Variants in FGGY observed in about 807,000 individuals in gnomAD.
FGGY encodes FGGY carbohydrate kinase domain-containing protein.
In FGGY, 72 loss-of-function variants were observed where a neutral mutation model predicts 71.3. The ratio of observed to expected loss-of-function variants is 1.01; its 90% CI spans 0.84 to 1.23. The LOEUF is 1.23. FGGY is among the 50% of genes most tolerant of loss of function. The probability of loss-of-function intolerance (pLI) is 0.00; values close to 1 mark genes in which losing one functional copy is unlikely to be tolerated. For missense variants in FGGY, 668 were observed against 682.3 expected (o/e 0.98, Z 0.23); for synonymous variants, 251 against 250.3 (o/e 1.00, Z -0.02).
At chr1:59,694,629 A>G (rs928615009) in intron 14 of FGGY, among the ~76,000 whole-genome samples, 1 of 152,100 alleles carries the variant, frequency 6.6e-6, no homozygotes, top group Non-Finnish European at 1.5e-5. Context: ...CGATATATTA[A>G]AAAGTATTTC....
intron 8 of FGGY, among the ~76,000 whole-genome samples, chr1:59,596,887 C>G (rs1187180887): frequency 6.6e-6 from 1 of 152,210 alleles, no homozygotes; most frequent in African/African-American, 2.4e-5. Flanking sequence ...CTTCTGCTGA[C>G]TTCCTCCCAT....
rs564299709 is a variant in FGGY at position 59,702,370 on chromosome 1, T to C, written c.1512+28237T>C. On this transcript the variant is annotated intron_variant, in intron 14 of 15. Transcript: ENST00000303721. ...AGACTCATATGGAGACCTATATCTTTATCAAAAATGTGCTTGTCAAGTAGA... is the reference window on the plus strand; with the variant it reads ...AGACTCATATGGAGACCTATATCTTCATCAAAAATGTGCTTGTCAAGTAGA... Among the ~76,000 whole-genome samples, 104 of 152,298 alleles carry C rather than the reference T, an allele frequency of 6.8e-4. 1 individual carries two copies. The highest frequency in any genetic ancestry group is 2.4e-3 in the African/African-American group (101 of 41,576).
At chr1:59,356,750 G>A (rs1391926232) in intron 4 of FGGY, among the ~76,000 whole-genome samples, 1 of 152,072 alleles carries the variant, frequency 6.6e-6, no homozygotes, top group Non-Finnish European at 1.5e-5. Flanking sequence ...TCCTCATTGT[G>A]GAAAATGAGA....
At chr1:59,421,585 C>G (rs374239259) in intron 5 of FGGY, among the ~76,000 whole-genome samples, 1 of 151,580 alleles carries the variant, frequency 6.6e-6, no homozygotes, top group African/African-American at 2.4e-5. Context: ...CCTTTCTCCC[C>G]CACTGCCCCA....
At chr1:59,532,078 TG>T (rs1280828556) in intron 7 of FGGY, among the ~76,000 whole-genome samples, 1 of 152,216 alleles carries the variant, frequency 6.6e-6, no homozygotes, top group Non-Finnish European at 1.5e-5. Context: ...TGGTGGTATT[TG>T]ACATGAACTC....
intron 14 of FGGY, among the ~76,000 whole-genome samples, chr1:59,687,879 A>G (rs569363687): frequency 6.6e-6 from 1 of 152,262 alleles, no homozygotes; most frequent in South Asian, 2.1e-4. Context: ...TCTGACTGAT[A>G]TCATTGCTTT....
intron 8 of FGGY, 69 bp downstream of exon 8, chr1:59,554,296 G>T (rs2095651917): frequency 2.7e-5 from 33 of 1,229,562 alleles, no homozygotes; most frequent in Non-Finnish European, 3.6e-5. Flanking sequence ...GACCCTGAGT[G>T]CTGGCTTCTT....
intron 5 of FGGY, among the ~76,000 whole-genome samples, chr1:59,380,193 C>G (rs2153342096): frequency 6.6e-6 from 1 of 151,686 alleles, no homozygotes. Flanking sequence ...TCCAGTCTAT[C>G]ATTCATGGAC....
In FGGY at chr1:59,587,978, A is replaced by C. The variant is rs188339063; in HGVS notation, c.904-19825A>C. Among the ~76,000 whole-genome samples the C allele has an allele frequency of 7.4e-4, 112 of 152,340 alleles. 2 individuals carry two copies. The highest frequency in any genetic ancestry group is 2.5e-3 in the African/African-American group (105 of 41,594). On this transcript the variant is annotated intron_variant, in intron 8 of 15. Coordinates refer to ENST00000303721, the MANE Select transcript of FGGY (RefSeq NM_018291.5). ...CTTTGACGAGTTGAGAGAAGGCTTC[A>C]GACCATCAAACTATTCCAAGCTACA...
chr1:59,424,221 C>G (rs1422475225), intron 5 of FGGY, among the ~76,000 whole-genome samples: 1 of 152,238 alleles, frequency 6.6e-6, no homozygotes, highest in African/African-American at 2.4e-5. Flanking sequence ...CACATGGCAG[C>G]TTCACAGCCC....
At chr1:59,647,741 CTT>C (rs578262218) in intron 11 of FGGY, among the ~76,000 whole-genome samples, 86 of 111,588 alleles carry the variant, frequency 7.7e-4, no homozygotes, top group African/African-American at 2.1e-3. Flanking sequence ...CTGCCACCAT[CTT>C]TTTTTTTTTT....
intron 8 of FGGY, among the ~76,000 whole-genome samples, chr1:59,600,192 C>T (rs1008673950): frequency 6.6e-6 from 1 of 152,112 alleles, no homozygotes; most frequent in Admixed American, 6.5e-5. Context: ...TAGTTGGAAA[C>T]AGGAAGACTT....
intron 14 of FGGY, among the ~76,000 whole-genome samples, chr1:59,732,906 C>T (rs1314554740): frequency 6.6e-6 from 1 of 152,104 alleles, no homozygotes; most frequent in Admixed American, 6.5e-5. Context: ...TCACATGGCC[C>T]CCGAGTACCT....
intron 14 of FGGY, among the ~76,000 whole-genome samples, chr1:59,732,356 C>G (rs916548855): frequency 1.3e-5 from 2 of 152,122 alleles, no homozygotes; most frequent in African/African-American, 4.8e-5. Context: ...CTGTTTACCA[C>G]CCCCCTTCCT....
At chr1:59,400,601 A>G (rs1282319341) in intron 5 of FGGY, among the ~76,000 whole-genome samples, 3 of 148,652 alleles carry the variant, frequency 2.0e-5, no homozygotes, top group Non-Finnish European at 4.5e-5. Flanking sequence ...ATGATTTGTC[A>G]TTAGTGTTCT....
chr1:59,674,092 G>C lies in FGGY; in HGVS notation c.1471G>C (p.Val491Leu). 6.2e-7 allele frequency: 1 copy of C among 1,614,020 alleles called. No homozygotes were observed. Among genetic ancestry groups the C allele is most frequent in the Non-Finnish European group, 8.5e-7 (1 of 1,179,964 alleles). The change falls in exon 14 of 16, where the codon GTT becomes CTT. Residue 491 changes from valine to leucine, a missense_variant. By Grantham distance (32) the Val-to-Leu change is conservative. Around this residue, in one of 2 missense-constraint regions of FGGY, gnomAD observed 661 missense variants for 661.6 expected, o/e 1.00. Transcript: ENST00000303721. ...GGAGTCCGTTCTTGTGGGTGCTGCT[G>C]TTCTGGGTGCCTGTGCCTCAGGGGA... ...EVESVLVGAA[V>L]LGACASGDFA...
At chr1:59,482,212 G>A (rs2093496211) in intron 6 of FGGY, among the ~76,000 whole-genome samples, 1 of 152,164 alleles carries the variant, frequency 6.6e-6, no homozygotes, top group African/African-American at 2.4e-5. Flanking sequence ...TGATGATCAT[G>A]TTTACCAAGA....
intron 9 of FGGY, among the ~76,000 whole-genome samples, chr1:59,610,195 C>T (rs773159401): frequency 1.3e-4 from 20 of 152,150 alleles, no homozygotes; most frequent in Non-Finnish European, 2.2e-4. Context: ...TTAAGCCTTC[C>T]ATGCATTAGC....
At chr1:59,373,671 AGT>A (rs1291781692) in intron 4 of FGGY, among the ~76,000 whole-genome samples, 1 of 152,216 alleles carries the variant, frequency 6.6e-6, no homozygotes, top group Non-Finnish European at 1.5e-5. Context: ...ACAAGTCTAC[AGT>A]AACCAAAACA....
Sources: gnomAD v4.1 joint callset for allele counts (sites outside exome capture counted in the v4.1 genomes callset) on GRCh38, gnomAD v4.1.1 for gene constraint, gnomAD v4.1.1 regional missense constraint, MANE v1.5 for transcripts, NCBI Gene and HGNC (gene_info 2026-07-23, HGNC 2026-07-21) for gene names.